ROCK2: variants seen among roughly 807,000 people sequenced by gnomAD.
ROCK2 encodes the protein rho-associated protein kinase 2.
Under a neutral mutation model 195.1 loss-of-function variants are expected in ROCK2, and 61 were observed. That is an observed-to-expected ratio of 0.31 (90% CI 0.25 to 0.39). The LOEUF is 0.39. Among genes scored for constraint, ROCK2 ranks in the 10% least tolerant of loss-of-function variants. ROCK2 has a pLI of 1.00. For synonymous variants in ROCK2, 504 were observed against 545.5 expected (o/e 0.92, Z 1.06); for missense variants, 1,109 against 1,637.4 (o/e 0.68, Z 5.57).
At chr2:11,320,839 T>A (rs939329259) in intron 1 of ROCK2, among the ~76,000 whole-genome samples, 1 of 152,134 alleles carries the variant, frequency 6.6e-6, no homozygotes, top group Non-Finnish European at 1.5e-5. Context: ...GTGGTCACCC[T>A]GGATTGCAGA....
intron 20 of ROCK2, among the ~76,000 whole-genome samples, chr2:11,204,096 A>G (rs1224631884): frequency 6.6e-6 from 1 of 152,180 alleles, no homozygotes; most frequent in Non-Finnish European, 1.5e-5. Context: ...CTCATTTGAC[A>G]CCTCTCCACC....
intron 7 of ROCK2, 106 bp downstream of exon 7, chr2:11,224,216 G>A (rs1158559377): frequency 7.5e-6 from 8 of 1,070,456 alleles, no homozygotes; most frequent in Middle Eastern, 3.0e-4. Flanking sequence ...TGCTACTTGG[G>A]TAATGAGAGG....
chr2:11,183,600 A>C (rs1572210854), intron 32 of ROCK2, among the ~76,000 whole-genome samples, 160 bp from the exon 33 acceptor site: 1 of 152,336 alleles, frequency 6.6e-6, no homozygotes, highest in East Asian at 1.9e-4. Flanking sequence ...TTACTGTATT[A>C]CTTTTCCTAT....
Position 11,344,349 on chromosome 2 carries a change from C to A in ROCK2, c.-213G>T. On this transcript the variant is annotated 5_prime_UTR_variant, in exon 1 of 33. Transcript: ENST00000315872. The surrounding 1 kb of genome is among the most constrained non-coding windows in gnomAD (Gnocchi z 5.4). ...CCAGCCCGGCCCAGCCCGGCCCGGC[C>A]CTGCCGGGAGCGGCGGGGAACAGAC... The A allele has an allele frequency of 2.5e-6, 3 of 1,183,418 alleles. No homozygotes were observed. Among genetic ancestry groups the A allele is most frequent in the Non-Finnish European group, 3.1e-6 (3 of 956,802 alleles). The allele number at this position is 1,183,418 out of a possible 1,614,324, so 73.3% of individuals were successfully genotyped here.
At chr2:11,231,542 G>A (rs1181875761) in intron 5 of ROCK2, among the ~76,000 whole-genome samples, 2 of 152,050 alleles carry the variant, frequency 1.3e-5, no homozygotes, top group South Asian at 4.2e-4. Context: ...CATATAAAGT[G>A]GTCTTAAAAG....
At chr2:11,185,186 T>C (rs1229892907) in intron 32 of ROCK2, among the ~76,000 whole-genome samples, 4 of 152,040 alleles carry the variant, frequency 2.6e-5, no homozygotes, top group Non-Finnish European at 4.4e-5. Context: ...CCAAAAACCA[T>C]GGGGTAAAAA....
At chr2:11,239,739 A>G (rs902041305) in intron 4 of ROCK2, among the ~76,000 whole-genome samples, 3 of 152,194 alleles carry the variant, frequency 2.0e-5, no homozygotes, top group African/African-American at 7.2e-5. Flanking sequence ...AAGGCTTGGT[A>G]TGAGATCCCA....
At chr2:11,229,362 C>A (rs1417092528) in intron 5 of ROCK2, among the ~76,000 whole-genome samples, 1 of 151,872 alleles carries the variant, frequency 6.6e-6, no homozygotes, top group African/African-American at 2.4e-5. Flanking sequence ...TATAACAAGT[C>A]TCTAACCCTG....
At chr2:11,213,711 T>G (rs573960780) in intron 17 of ROCK2, among the ~76,000 whole-genome samples, 1 of 152,086 alleles carries the variant, frequency 6.6e-6, no homozygotes, top group Non-Finnish European at 1.5e-5. Flanking sequence ...GCCTTTGCCC[T>G]ACGGACCTAT....
intron 4 of ROCK2, among the ~76,000 whole-genome samples, chr2:11,248,519 C>T (rs1211779062): frequency 6.6e-6 from 1 of 151,588 alleles, no homozygotes; most frequent in African/African-American, 2.4e-5. Flanking sequence ...ACCAGCCTGG[C>T]CAACATGGCA....
chr2:11,233,824 TC>T (rs1231950431), intron 5 of ROCK2, among the ~76,000 whole-genome samples: 1 of 152,128 alleles, frequency 6.6e-6, no homozygotes, highest in Non-Finnish European at 1.5e-5. Context: ...ATACTAGCTA[TC>T]TATTAGGGAG....
chr2:11,275,086 AT>A (rs1159871367), intron 3 of ROCK2, among the ~76,000 whole-genome samples: 2 of 151,514 alleles, frequency 1.3e-5, no homozygotes, highest in Non-Finnish European at 2.9e-5. Flanking sequence ...GTGAATCCCC[AT>A]CTCTACTAAA....
At position 11,201,358 on chromosome 2, in the gene ROCK2, T is replaced by C; in HGVS notation, c.2675A>G (p.Lys892Arg). ...ELKEECEEKTKLGKELQQKKQ... is the reference protein window; with the variant it reads ...ELKEECEEKTRLGKELQQKKQ... ...CTTCTGCTGCAATTCTTTACCAAGT[T>C]TGGTCTTTTCTTCACATTCTTCTTT... The change falls in exon 22 of 33, where the codon AAA becomes AGA. Residue 892 changes from lysine (K) to arginine (R), a missense_variant. Lys to Arg is a conservative substitution (Grantham distance 26). This residue lies in a region of ROCK2 where 542 missense variants were observed against 672.0 expected (regional missense o/e 0.81). Coordinates refer to ENST00000315872, the MANE Select transcript of ROCK2 (RefSeq NM_004850.5). The surrounding 1 kb of genome is among the most constrained non-coding windows in gnomAD (Gnocchi z 4.6). 6.2e-7 allele frequency: 1 copy of C among 1,613,490 alleles called. No homozygotes were observed. The highest frequency in any genetic ancestry group is 8.5e-7 in the Non-Finnish European group (1 of 1,179,642).
At chr2:11,281,965 C>CA (rs998105254) in intron 3 of ROCK2, among the ~76,000 whole-genome samples, 2 of 151,424 alleles carry the variant, frequency 1.3e-5, no homozygotes, top group Non-Finnish European at 2.9e-5. Context: ...AATCCAATCA[C>CA]AAAAAAAACC....
chr2:11,236,813 T>C (rs890495823), intron 4 of ROCK2, among the ~76,000 whole-genome samples: 19 of 152,080 alleles, frequency 1.2e-4, no homozygotes, highest in African/African-American at 4.6e-4. Flanking sequence ...ACAAAAATAA[T>C]ACTCAAGGAA....
intron 1 of ROCK2, among the ~76,000 whole-genome samples, chr2:11,317,608 A>ATTTTTTTT (rs1210144997): frequency 2.5e-4 from 4 of 15,942 alleles, no homozygotes; most frequent in South Asian, 2.5e-3. Context: ...ATATATATAT[A>ATTTTTTTT]TATATTTTTT....
rs562731947 is a variant in ROCK2 at position 11,201,429 on chromosome 2, C to T, written c.2620-16G>A. Reference sequence around the variant, plus strand: ...TATAAAGGGTCTAAATAGCAAAATACAACAGAAATGCGTATCATCATCAGA... The same window carrying T: ...TATAAAGGGTCTAAATAGCAAAATATAACAGAAATGCGTATCATCATCAGA... On this transcript the variant is annotated splice_polypyrimidine_tract_variant and intron_variant, in intron 21 of 32. Transcript: ENST00000315872. This position sits in a 1 kb window ranked among gnomAD's most constrained non-coding sequence, Gnocchi z 4.6. 41 of 1,295,090 alleles carry T rather than the reference C, an allele frequency of 3.2e-5. No homozygotes were observed. In the East Asian group the frequency reaches 9.5e-4, roughly 30 times the overall value. The allele number at this position is 1,295,090 out of a possible 1,614,324, so 80.2% of individuals were successfully genotyped here.
chr2:11,200,817 T>C, intron 23 of ROCK2, 140 bp downstream of exon 23: 1 of 618,614 alleles, frequency 1.6e-6, no homozygotes, highest in Non-Finnish European at 2.6e-6. Context: ...ATTGAGAAGG[T>C]GGCAGTTAAC....
chr2:11,343,559 G>A (rs1317923461), intron 1 of ROCK2, among the ~76,000 whole-genome samples: 1 of 152,184 alleles, frequency 6.6e-6, no homozygotes, highest in Non-Finnish European at 1.5e-5. Context: ...GCGGCTCTTT[G>A]TCATGTACCC....
Sources: allele counts gnomAD v4.1 joint callset (sites outside exome capture counted in the v4.1 genomes callset), GRCh38; gene constraint gnomAD v4.1.1; regional missense constraint gnomAD v4.1.1; non-coding constraint Gnocchi (gnomAD v3.1); transcripts MANE v1.5; gene names NCBI Gene and HGNC (gene_info 2026-07-23, HGNC 2026-07-21).